CDH4: variants seen among roughly 807,000 people sequenced by gnomAD.
The protein encoded by CDH4 is cadherin-4.
CDH4 carries 33 observed loss-of-function variants against 86.0 expected under a neutral mutation model. The ratio of observed to expected loss-of-function variants is 0.38; its 90% CI spans 0.29 to 0.51. The LOEUF is 0.51. Among genes scored for constraint, CDH4 ranks in the 20% least tolerant of loss-of-function variants. The pLI is 0.86. For missense variants in CDH4, 1,114 were observed against 1,307.4 expected, an observed-to-expected ratio of 0.85 and a Z score of 2.28; for synonymous variants, 555 against 549.4, an observed-to-expected ratio of 1.01 and a Z score of -0.14.
chr20:61,908,568 C>A (rs543185908), intron 8 of CDH4, among the ~76,000 whole-genome samples: 119 of 152,330 alleles, frequency 7.8e-4, no homozygotes, highest in African/African-American at 2.8e-3. Context: ...CCTTGCAGGA[C>A]CTGCCTGTGG....
chr20:61,922,303 C>T (rs1044040009), intron 9 of CDH4, among the ~76,000 whole-genome samples: 2 of 152,162 alleles, frequency 1.3e-5, no homozygotes, highest in Admixed American at 6.5e-5. Flanking sequence ...CAAGCTTTTT[C>T]CATGTAACTT....
rs1352201283 is a variant in CDH4 at position 61,382,930 on chromosome 20, CAT to C, written c.169+127994_169+127995del. Among the ~76,000 whole-genome samples the C allele has an allele frequency of 3.1e-4, 47 of 151,272 alleles. 1 individual carries two copies. Among genetic ancestry groups the C allele is most frequent in the Non-Finnish European group, 4.4e-5 (3 of 67,934 alleles). Reference sequence around the variant, plus strand: ...CAGGTAACTAGGGTTAGGATATAGACATGTTTTTTTGCAGAGGGGAGGACACA... The same window carrying C: ...CAGGTAACTAGGGTTAGGATATAGACGTTTTTTTGCAGAGGGGAGGACACA... On this transcript the variant is annotated intron_variant, in intron 2 of 15. Transcript: ENST00000614565.
intron 4 of CDH4, among the ~76,000 whole-genome samples, chr20:61,781,944 C>T (rs1978568752): frequency 6.6e-6 from 1 of 152,188 alleles, no homozygotes; most frequent in Admixed American, 6.5e-5. Flanking sequence ...GCCAACAGAA[C>T]AACTTCTTTA....
chr20:61,909,886 A>G (rs1030498403), intron 8 of CDH4, among the ~76,000 whole-genome samples: 4 of 152,200 alleles, frequency 2.6e-5, no homozygotes, highest in African/African-American at 9.6e-5. Context: ...GGGACCTGGA[A>G]GGGGTCTGGG....
At chr20:61,749,349 A>T (rs1015891820) in intron 3 of CDH4, among the ~76,000 whole-genome samples, 1 of 152,258 alleles carries the variant, frequency 6.6e-6, no homozygotes, top group African/African-American at 2.4e-5. Flanking sequence ...GAATCACACA[A>T]TTAACAGGTC....
intron 2 of CDH4, among the ~76,000 whole-genome samples, chr20:61,625,151 G>A (rs1043957384): frequency 3.9e-5 from 6 of 152,116 alleles, no homozygotes; most frequent in African/African-American, 1.4e-4. Flanking sequence ...ACTCACCAGG[G>A]CGGGACGAGA....
intron 5 of CDH4, among the ~76,000 whole-genome samples, chr20:61,851,194 C>G (rs568743479): frequency 1.3e-5 from 2 of 152,328 alleles, no homozygotes; most frequent in African/African-American, 4.8e-5. Context: ...GTGCGTGCAG[C>G]CACATCTCGC....
At chr20:61,621,053 G>A (rs996604829) in intron 2 of CDH4, among the ~76,000 whole-genome samples, 6 of 152,226 alleles carry the variant, frequency 3.9e-5, no homozygotes, top group Non-Finnish European at 8.8e-5. Flanking sequence ...ATCTGTTTCT[G>A]TTTTCCAACC....
chr20:61,595,919 G>A (rs1214646146), intron 2 of CDH4, among the ~76,000 whole-genome samples: 3 of 152,214 alleles, frequency 2.0e-5, no homozygotes, highest in South Asian at 2.1e-4. Context: ...CTCACATAAC[G>A]TTTGTCCATA....
chr20:61,545,531 C>G (rs1009623852), intron 2 of CDH4, among the ~76,000 whole-genome samples: 1 of 152,258 alleles, frequency 6.6e-6, no homozygotes, highest in East Asian at 1.9e-4. Flanking sequence ...CTTCCCCACT[C>G]TGTCCCGTCC....
At chr20:61,419,729 T>C (rs960288254) in intron 2 of CDH4, among the ~76,000 whole-genome samples, 11 of 150,174 alleles carry the variant, frequency 7.3e-5, no homozygotes, top group African/African-American at 2.7e-4. Flanking sequence ...ATACACCCCA[T>C]TCCCTGTGTC....
chr20:61,667,897 A>G (rs1477426314), intron 2 of CDH4, among the ~76,000 whole-genome samples: 1 of 152,016 alleles, frequency 6.6e-6, no homozygotes, highest in Non-Finnish European at 1.5e-5. Flanking sequence ...AGGCGGAGGG[A>G]CCCCACCAAG....
intron 9 of CDH4, among the ~76,000 whole-genome samples, chr20:61,918,407 C>T (rs888397769): frequency 6.6e-6 from 1 of 152,190 alleles, no homozygotes; most frequent in Non-Finnish European, 1.5e-5. Context: ...TGCCCACTCC[C>T]TATATCCCCC....
chr20:61,555,043 A>T (rs755512832), intron 2 of CDH4, among the ~76,000 whole-genome samples: 4 of 152,126 alleles, frequency 2.6e-5, no homozygotes, highest in Admixed American at 6.5e-5. Flanking sequence ...TGCATGTATG[A>T]GCATATGTGA....
intron 2 of CDH4, among the ~76,000 whole-genome samples, chr20:61,359,052 CAG>C (rs2084769527): frequency 6.6e-6 from 1 of 152,128 alleles, no homozygotes; most frequent in Admixed American, 6.5e-5. Flanking sequence ...GAGAGCCAGG[CAG>C]AGTTTCCCAG....
intron 4 of CDH4, among the ~76,000 whole-genome samples, 173 bp from the exon 5 acceptor site, chr20:61,844,495 C>T (rs1380527927): frequency 2.0e-5 from 3 of 152,116 alleles, no homozygotes; most frequent in Non-Finnish European, 4.4e-5. Context: ...GAAACCCTGA[C>T]CACCGACTGT....
intron 3 of CDH4, among the ~76,000 whole-genome samples, chr20:61,764,422 T>C (rs758522367): frequency 1.6e-4 from 24 of 152,146 alleles, no homozygotes; most frequent in Non-Finnish European, 2.8e-4. Flanking sequence ...GGTGACTGTA[T>C]CCCTGGGAAG....
rs138221240 is a variant in CDH4 at position 61,665,976 on chromosome 20, C to T, written c.170-77587C>T. On this transcript the variant is annotated intron_variant, in intron 2 of 15. Transcript: ENST00000614565. ...GAAGGTTGGTTCCTGCAGTTCTGGG[C>T]GGGGTCCAGGTGGGAGAATGGCTGG... 4.2e-3 allele frequency among the ~76,000 whole-genome samples: 645 copies of T among 152,284 alleles called. 3 individuals carry two copies. The highest frequency in any genetic ancestry group is 0.01 in the Middle Eastern group (3 of 294).
At chr20:61,742,230 CG>C (rs979941504) in intron 2 of CDH4, among the ~76,000 whole-genome samples, 1 of 152,106 alleles carries the variant, frequency 6.6e-6, no homozygotes, top group Non-Finnish European at 1.5e-5. Context: ...GAGGAGCCAC[CG>C]GGGGGCTCTG....
Sources: gnomAD v4.1 joint callset for allele counts (sites outside exome capture counted in the v4.1 genomes callset) on GRCh38, gnomAD v4.1.1 for gene constraint, MANE v1.5 for transcripts, NCBI Gene and HGNC (gene_info 2026-07-23, HGNC 2026-07-21) for gene names.